MGMT: variants seen among roughly 807,000 people sequenced by gnomAD.
MGMT encodes methylated-DNA--protein-cysteine methyltransferase.
In MGMT, 14 loss-of-function variants were observed where a neutral mutation model predicts 15.9. The ratio of observed to expected loss-of-function variants is 0.88; its 90% CI spans 0.58 to 1.37. The LOEUF is 1.37. MGMT is among the 40% of genes most tolerant of loss of function. The pLI, the probability that MGMT is intolerant of heterozygous loss-of-function variation, is 0.00. For synonymous variants in MGMT, 130 were observed against 118.2 expected (o/e 1.10, Z -0.65); for missense variants, 282 against 268.1 (o/e 1.05, Z -0.36).
intron 2 of MGMT, among the ~76,000 whole-genome samples, chr10:129,588,890 G>A (rs970048330): frequency 6.6e-6 from 1 of 152,260 alleles, no homozygotes; most frequent in South Asian, 2.1e-4. Flanking sequence ...GAACAGAGAG[G>A]CATTTTAGGA....
intron 1 of MGMT, among the ~76,000 whole-genome samples, 159 bp from the exon 2 acceptor site, chr10:129,536,082 G>A (rs1186910730): frequency 6.6e-6 from 1 of 152,190 alleles, no homozygotes; most frequent in Non-Finnish European, 1.5e-5. Context: ...TGTCTTCAGA[G>A]TAATCATATT....
At position 129,686,216 on chromosome 10, in the gene MGMT, TA is replaced by T. The variant is rs537400244; in HGVS notation, c.126-21669del. On this transcript the variant is annotated intron_variant, in intron 2 of 4. Transcript: ENST00000651593. ...CAGAAGCACTTTTTTTAAACAAAGT[TA>T]AAAAAAAAATGTTATGCTATTGCTA... 5.0e-3 allele frequency among the ~76,000 whole-genome samples: 730 copies of T among 145,996 alleles called. 3 individuals carry two copies. Among genetic ancestry groups the T allele is most frequent in the African/African-American group, 0.012 (486 of 39,686 alleles).
At position 129,524,582 on chromosome 10, in the gene MGMT, C is replaced by CTTTTT. The variant is rs66701664; in HGVS notation, c.-12-11636_-12-11632dup. On this transcript the variant is annotated intron_variant, in intron 1 of 4. Transcript: ENST00000651593. Reference sequence around the variant, plus strand: ...AGTTACTAAGAAGCTTCCAAAAAGACTTTTTTTTTTTTTTTTTTTTTTTTT... The same window carrying CTTTTT: ...AGTTACTAAGAAGCTTCCAAAAAGACTTTTTTTTTTTTTTTTTTTTTTTTTTTTTT... 1.3e-4 allele frequency among the ~76,000 whole-genome samples: 9 copies of CTTTTT among 68,072 alleles called. 1 individual carries two copies. The highest frequency in any genetic ancestry group is 3.0e-4 in the African/African-American group (6 of 20,234). 44.7% of individuals were successfully genotyped at this position (68,072 alleles called of 152,430 possible).
chr10:129,502,574 A>C (rs1191491802), intron 1 of MGMT, among the ~76,000 whole-genome samples: 1 of 152,006 alleles, frequency 6.6e-6, no homozygotes, highest in Non-Finnish European at 1.5e-5. Flanking sequence ...CATATGCCAG[A>C]GGTGTGATAT....
At chr10:129,717,577 C>T (rs1848314274) in intron 3 of MGMT, 1 of 152,156 alleles carries the variant, frequency 6.6e-6, no homozygotes, top group African/African-American at 2.4e-5. Flanking sequence ...AAGACACAGC[C>T]ATTAGCAGAA....
chr10:129,679,261 G>A (rs1320907476), intron 2 of MGMT, among the ~76,000 whole-genome samples: 2 of 151,928 alleles, frequency 1.3e-5, no homozygotes, highest in African/African-American at 4.8e-5. Flanking sequence ...GTGTGCTTGA[G>A]GGTTCTAGGA....
rs987740009 is a variant in MGMT at position 129,704,112 on chromosome 10, A to T, written c.126-3783A>T. Among the ~76,000 whole-genome samples, 3 of 152,068 alleles carry T rather than the reference A, an allele frequency of 2.0e-5. No homozygotes were observed. In the East Asian group the frequency reaches 5.8e-4, roughly 30 times the overall value. ...CGTTCTTCTTAGATAGCATCAGTAC[A>T]CTGTTTATTCGGTTAGCAAAGAGCA... On this transcript the variant is annotated intron_variant, in intron 2 of 4. Transcript: ENST00000651593.
chr10:129,734,283 G>A (rs1848535424), intron 3 of MGMT, among the ~76,000 whole-genome samples: 1 of 138,696 alleles, frequency 7.2e-6, no homozygotes, highest in African/African-American at 2.5e-5. Flanking sequence ...CACATCCCTT[G>A]TAAGTTGGAT....
intron 1 of MGMT, among the ~76,000 whole-genome samples, chr10:129,508,123 G>A (rs1431052634): frequency 6.6e-6 from 1 of 152,194 alleles, no homozygotes; most frequent in East Asian, 1.9e-4. Flanking sequence ...CCCAGTAGCA[G>A]TTCTCAGCCT....
intron 2 of MGMT, among the ~76,000 whole-genome samples, chr10:129,699,444 G>A (rs1848071412): frequency 6.6e-6 from 1 of 152,076 alleles, no homozygotes; most frequent in Admixed American, 6.5e-5. Flanking sequence ...TGAGGGCATA[G>A]CGTGCCGGTT....
intron 2 of MGMT, among the ~76,000 whole-genome samples, chr10:129,658,819 C>T (rs1023593599): frequency 2.0e-5 from 3 of 152,190 alleles, no homozygotes; most frequent in African/African-American, 4.8e-5. Flanking sequence ...CCTCAGTGTC[C>T]TTAACTGCTG....
At chr10:129,680,404 G>A (rs1031621041) in intron 2 of MGMT, among the ~76,000 whole-genome samples, 4 of 152,160 alleles carry the variant, frequency 2.6e-5, no homozygotes, top group Non-Finnish European at 4.4e-5. Context: ...ATTGTTGAGA[G>A]GAGAAACCAC....
rs890083756 is a variant in MGMT at position 129,706,662 on chromosome 10, G to A, written c.126-1233G>A. On this transcript the variant is annotated intron_variant, in intron 2 of 4. Transcript: ENST00000651593. ...AGGAAGGGAGTCACCTGAAGAAATCGGACCCAGGGCCAGGGCTTCCCACGG... is the reference window on the plus strand; with the variant it reads ...AGGAAGGGAGTCACCTGAAGAAATCAGACCCAGGGCCAGGGCTTCCCACGG... Among the ~76,000 whole-genome samples the A allele has an allele frequency of 2.0e-5, 3 of 152,114 alleles. No individual in the cohort carries two copies. In the East Asian group the frequency reaches 5.8e-4, roughly 29 times the overall value.
chr10:129,611,691 T>C (rs1313586376), intron 2 of MGMT, among the ~76,000 whole-genome samples: 1 of 151,838 alleles, frequency 6.6e-6, no homozygotes, highest in Non-Finnish European at 1.5e-5. Context: ...ACCTGTAGAG[T>C]CATCCCAAAT....
chr10:129,480,349 A>G (rs1399030525), intron 1 of MGMT, among the ~76,000 whole-genome samples: 2 of 152,210 alleles, frequency 1.3e-5, no homozygotes, highest in East Asian at 3.8e-4. Flanking sequence ...TTTGCTCTCT[A>G]TGACGTTAAA....
At chr10:129,758,985 T>G (rs889438293) in intron 3 of MGMT, among the ~76,000 whole-genome samples, 1 of 152,262 alleles carries the variant, frequency 6.6e-6, no homozygotes, top group African/African-American at 2.4e-5. Flanking sequence ...GCTCCAAGGA[T>G]GCCTTCCAAG....
chr10:129,695,678 A>G (rs1848022558), intron 2 of MGMT, among the ~76,000 whole-genome samples: 1 of 152,226 alleles, frequency 6.6e-6, no homozygotes, highest in South Asian at 2.1e-4. Flanking sequence ...TGTTGGTACC[A>G]AAAGTATTAT....
chr10:129,517,573 C>T (rs1048575684), intron 1 of MGMT, among the ~76,000 whole-genome samples: 6 of 152,312 alleles, frequency 3.9e-5, no homozygotes, highest in Admixed American at 2.0e-4. Flanking sequence ...CACGGCGTCA[C>T]ACATGGGCAT....
chr10:129,587,537 T>TG (rs1414398712), intron 2 of MGMT, among the ~76,000 whole-genome samples: 2 of 151,302 alleles, frequency 1.3e-5, no homozygotes, highest in Non-Finnish European at 2.9e-5. Flanking sequence ...GTCACCAGGC[T>TG]GGAGGGCAGT....
Sources: gnomAD v4.1 joint callset for allele counts (sites outside exome capture counted in the v4.1 genomes callset) on GRCh38, gnomAD v4.1.1 for gene constraint, MANE v1.5 for transcripts, NCBI Gene and HGNC (gene_info 2026-07-23, HGNC 2026-07-21) for gene names.